Variants in ARHGAP26 observed in about 807,000 individuals in gnomAD.
ARHGAP26 encodes the protein Rho GTPase activating protein 26, also known as rho GTPase-activating protein 26.
In ARHGAP26, 38 loss-of-function variants were observed where a neutral mutation model predicts 104.8. That is an observed-to-expected ratio of 0.36 (90% CI 0.28 to 0.48). The LOEUF (loss-of-function observed/expected upper bound fraction) is 0.48, where lower values mean the gene tolerates loss of function less well. ARHGAP26 is among the 20% of genes least tolerant of loss of function. ARHGAP26 has a pLI of 0.99. For missense variants in ARHGAP26, 704 were observed against 947.9 expected, an observed-to-expected ratio of 0.74 and a Z score of 3.38; for synonymous variants, 341 against 340.0, an observed-to-expected ratio of 1.00 and a Z score of -0.03.
At chr5:143,192,303 G>C (rs553141631) in intron 20 of ARHGAP26, among the ~76,000 whole-genome samples, 1 of 152,192 alleles carries the variant, frequency 6.6e-6, no homozygotes, top group Non-Finnish European at 1.5e-5. Flanking sequence ...AGTGGTTACA[G>C]GAAAGGGAAA....
intron 10 of ARHGAP26, among the ~76,000 whole-genome samples, chr5:142,927,293 C>G (rs1371467281): frequency 1.3e-5 from 2 of 151,340 alleles, no homozygotes; most frequent in African/African-American, 2.4e-5. Flanking sequence ...AGGAGATACC[C>G]TTGTGCCCCT....
chr5:143,133,646 G>C (rs752425608), intron 18 of ARHGAP26, among the ~76,000 whole-genome samples: 1 of 152,240 alleles, frequency 6.6e-6, no homozygotes, highest in Non-Finnish European at 1.5e-5. Context: ...GCTGTTAACA[G>C]ACAGTGGCTT....
chr5:142,830,200 G>C (rs978967492), intron 1 of ARHGAP26, among the ~76,000 whole-genome samples: 7 of 152,148 alleles, frequency 4.6e-5, no homozygotes, highest in South Asian at 2.1e-4. Flanking sequence ...CAAATGGAGT[G>C]CTATTATTCA....
chr5:142,980,947 T>C (rs1773858070), intron 11 of ARHGAP26, among the ~76,000 whole-genome samples: 1 of 152,220 alleles, frequency 6.6e-6, no homozygotes, highest in Non-Finnish European at 1.5e-5. Context: ...TGTATCGTAG[T>C]AGTAGTTGTC....
chr5:143,010,320 T>C (rs1194060520), intron 11 of ARHGAP26, among the ~76,000 whole-genome samples: 1 of 152,220 alleles, frequency 6.6e-6, no homozygotes, highest in Non-Finnish European at 1.5e-5. Flanking sequence ...TCTGTGTCCT[T>C]AGACAAACTG....
chr5:142,998,432 C>G (rs952658814), intron 11 of ARHGAP26, among the ~76,000 whole-genome samples: 1 of 152,152 alleles, frequency 6.6e-6, no homozygotes, highest in African/African-American at 2.4e-5. Flanking sequence ...CCTAATCTCT[C>G]CCATCCTCCA....
At chr5:142,972,469 GT>G (rs139126795) in intron 11 of ARHGAP26, among the ~76,000 whole-genome samples, 3,463 of 151,810 alleles carry the variant, frequency 0.023, 137 homozygotes, top group African/African-American at 0.078. Context: ...TTTTTGTTTT[GT>G]TTTTTTAATA....
At chr5:142,940,808 G>A (rs559334169) in intron 11 of ARHGAP26, among the ~76,000 whole-genome samples, 10 of 152,152 alleles carry the variant, frequency 6.6e-5, no homozygotes, top group African/African-American at 2.4e-4. Flanking sequence ...CAGGTGCGGT[G>A]GCTCATGCCT....
intron 17 of ARHGAP26, among the ~76,000 whole-genome samples, chr5:143,083,505 G>A (rs1470928958): frequency 2.0e-5 from 3 of 152,122 alleles, no homozygotes; most frequent in Non-Finnish European, 4.4e-5. Context: ...ACTTCTTTTT[G>A]TTGTTGTTTG....
chr5:143,137,794 A>G (rs1239135146), intron 19 of ARHGAP26, among the ~76,000 whole-genome samples: 4 of 152,194 alleles, frequency 2.6e-5, no homozygotes, highest in African/African-American at 9.6e-5. Context: ...ATTTCCCTCA[A>G]AGAGACTCCA....
chr5:143,020,922 G>C (rs1371183779), intron 12 of ARHGAP26, among the ~76,000 whole-genome samples: 1 of 152,168 alleles, frequency 6.6e-6, no homozygotes, highest in Admixed American at 6.6e-5. Flanking sequence ...TTACAGGCGT[G>C]AGCCACTGCA....
At chr5:142,811,163 A>C (rs572707641) in intron 1 of ARHGAP26, among the ~76,000 whole-genome samples, 2 of 152,258 alleles carry the variant, frequency 1.3e-5, no homozygotes, top group African/African-American at 4.8e-5. Context: ...GTTATTGTTA[A>C]GTTTCAGTGA....
intron 20 of ARHGAP26, among the ~76,000 whole-genome samples, chr5:143,206,754 T>C (rs1808622891): frequency 6.6e-6 from 1 of 152,184 alleles, no homozygotes. Flanking sequence ...ATGGCCTTTG[T>C]GGCCCAGAAG....
At chr5:143,190,988 C>T (rs1374569884) in intron 20 of ARHGAP26, among the ~76,000 whole-genome samples, 1 of 152,236 alleles carries the variant, frequency 6.6e-6, no homozygotes, top group African/African-American at 2.4e-5. Flanking sequence ...AAAGGCAGAT[C>T]TCTAGAGTTA....
At chr5:142,984,196 T>C (rs979342081) in intron 11 of ARHGAP26, among the ~76,000 whole-genome samples, 8 of 152,218 alleles carry the variant, frequency 5.3e-5, no homozygotes, top group Admixed American at 3.9e-4. Context: ...GTGGTGTCTA[T>C]GTCAGCAAAA....
At chr5:143,113,410 G>C (rs562502180) in intron 17 of ARHGAP26, among the ~76,000 whole-genome samples, 1 of 152,290 alleles carries the variant, frequency 6.6e-6, no homozygotes, top group Admixed American at 6.5e-5. Context: ...ACAGAGCTTT[G>C]ACATCCTTGA....
chr5:143,144,058 C>T (rs979953707), intron 19 of ARHGAP26, among the ~76,000 whole-genome samples: 2 of 152,290 alleles, frequency 1.3e-5, no homozygotes, highest in Admixed American at 1.3e-4. Flanking sequence ...TGTGGGCATT[C>T]TTTCCTTTTT....
At chr5:142,810,966 T>G (rs1477210870) in intron 1 of ARHGAP26, among the ~76,000 whole-genome samples, 1 of 152,092 alleles carries the variant, frequency 6.6e-6, no homozygotes, top group East Asian at 1.9e-4. Context: ...TCTTGGAGAG[T>G]CAGATGAATA....
rs1759801027 is a variant in ARHGAP26, at chr5:142,791,490, G to A, written c.154+20575G>A. Among the ~76,000 whole-genome samples, 2 of 152,250 alleles carry A rather than the reference G, an allele frequency of 1.3e-5. 1 individual carries two copies. The highest frequency in any genetic ancestry group is 4.1e-4 in the South Asian group (2 of 4,828). ...TATGCAGGAAGGCCAGGTCTGCTTG[G>A]CTGGGCCAGTTGACTTTCGGTGAAT... On this transcript the variant is annotated intron_variant, in intron 1 of 22. Coordinates refer to ENST00000645722, the MANE Select transcript of ARHGAP26 (RefSeq NM_001135608.3).
Sources: allele counts gnomAD v4.1 joint callset (sites outside exome capture counted in the v4.1 genomes callset), GRCh38; gene constraint gnomAD v4.1.1; transcripts MANE v1.5; gene names NCBI Gene and HGNC (gene_info 2026-07-23, HGNC 2026-07-21).